The following HEATR6 variants were observed in gnomAD, a reference collection of about 807,000 sequenced individuals.
The protein encoded by HEATR6 is HEAT repeat containing 6, also known as HEAT repeat-containing protein 6.
In HEATR6, 106 loss-of-function variants were observed where a neutral mutation model predicts 132.8. That is an observed-to-expected ratio of 0.80 (90% confidence interval 0.68 to 0.94). The LOEUF is 0.94. HEATR6 is among the 40% of genes least tolerant of loss of function. The pLI is 0.00. For synonymous variants in HEATR6, 529 were observed against 537.8 expected (o/e 0.98, Z 0.23); for missense variants, 1,339 against 1,425.1 (o/e 0.94, Z 0.97).
chr17:60,044,296 CTG>C (rs1906290015), intron 19 of HEATR6, among the ~76,000 whole-genome samples, 162 bp from the exon 20 acceptor site: 1 of 152,160 alleles, frequency 6.6e-6, no homozygotes, highest in South Asian at 2.1e-4. Context: ...TGGTGACTGA[CTG>C]TAGGATCCTA....
intron 13 of HEATR6, among the ~76,000 whole-genome samples, 189 bp from the exon 14 acceptor site, chr17:60,055,790 C>T (rs1273769971): frequency 6.6e-6 from 1 of 152,194 alleles, no homozygotes; most frequent in African/African-American, 2.4e-5. Flanking sequence ...GTTTGGAGAT[C>T]GCCTCAAATC....
At chr17:60,076,597 G>A (rs1487575094) in intron 1 of HEATR6, 1 of 165,344 alleles carries the variant, frequency 6.0e-6, no homozygotes, top group Non-Finnish European at 1.3e-5. Flanking sequence ...CAGCTTCTTG[G>A]GAGGCTGAGG....
At position 60,049,122 on chromosome 17, in the gene HEATR6, A is replaced by AGTGTGTGTGTGTGTGTGTGT. The variant is rs531092208; in HGVS notation, c.2547+438_2547+457dup. On this transcript the variant is annotated intron_variant, in intron 16 of 19. Transcript: ENST00000184956. ...TATGTAGAGAGAGAGAGAGACAGAG[A>AGTGTGTGTGTGTGTGTGTGT]GTGTGTGTGTGTGTGTGTGTGTGTG... 1.9e-3 allele frequency among the ~76,000 whole-genome samples: 251 copies of AGTGTGTGTGTGTGTGTGTGT among 134,842 alleles called. 1 individual carries two copies. The highest frequency in any genetic ancestry group is 6.5e-3 in the African/African-American group (236 of 36,166). The allele number at this position is 134,842 out of a possible 152,430, so 88.5% of individuals were successfully genotyped here.
intron 14 of HEATR6, among the ~76,000 whole-genome samples, chr17:60,052,554 T>C (rs1906617791): frequency 6.6e-6 from 1 of 152,152 alleles, no homozygotes; most frequent in Non-Finnish European, 1.5e-5. Context: ...TCAACTCACT[T>C]CCCTGCACAT....
intron 16 of HEATR6, among the ~76,000 whole-genome samples, chr17:60,048,708 G>A (rs1346989183): frequency 1.3e-5 from 2 of 151,826 alleles, no homozygotes; most frequent in Non-Finnish European, 2.9e-5. Flanking sequence ...TTTCCGTCTC[G>A]GGAAATAATG....
intron 7 of HEATR6, 98 bp downstream of exon 7, chr17:60,069,613 T>G: frequency 8.8e-7 from 1 of 1,139,192 alleles, no homozygotes; most frequent in Non-Finnish European, 1.3e-6. Context: ...AAATTCAAGG[T>G]AGGCTTTTAG....
intron 5 of HEATR6, among the ~76,000 whole-genome samples, chr17:60,071,270 C>G (rs1344495105): frequency 2.6e-5 from 4 of 152,122 alleles, no homozygotes. Context: ...GATTTCTTGA[C>G]TCAGTAATCT....
rs114413477 is a variant in HEATR6, at chr17:60,077,496, C to T, written c.219+1200G>A. On this transcript the variant is annotated intron_variant, in intron 1 of 19. Transcript: ENST00000184956. ...CTACTGCCTTAATCTCACTCTGCTT[C>T]CTAATGACATACACTATTATTCTGT... Among the ~76,000 whole-genome samples, 1,234 of 152,318 alleles carry T rather than the reference C, an allele frequency of 8.1e-3. 15 individuals are homozygous for T. Among genetic ancestry groups the T allele is most frequent in the African/African-American group, 0.028 (1,147 of 41,556 alleles).
rs545594574 is a variant in HEATR6 at position 60,072,196 on chromosome 17, T to C, written c.699+19A>G. 7.5e-7 allele frequency: 1 copy of C among 1,334,876 alleles called. No individual in the cohort carries two copies. Among genetic ancestry groups the C allele is most frequent in the Non-Finnish European group, 1.1e-6 (1 of 936,212 alleles). 82.7% of individuals were successfully genotyped at this position (1,334,876 alleles called of 1,614,324 possible). Reference sequence around the variant, plus strand: ...AGACACATCCGCAACATTCACTACGTCAATGATAGTCCACTTACCATGCAA... The same window carrying C: ...AGACACATCCGCAACATTCACTACGCCAATGATAGTCCACTTACCATGCAA... On this transcript the variant is annotated intron_variant, in intron 5 of 19. Transcript: ENST00000184956.
intron 10 of HEATR6, among the ~76,000 whole-genome samples, 163 bp from the exon 11 acceptor site, chr17:60,059,684 A>G (rs1055670871): frequency 3.9e-5 from 6 of 152,224 alleles, no homozygotes; most frequent in Non-Finnish European, 7.3e-5. Context: ...CTAAAGATAA[A>G]GAAGTATTTT....
rs968372662 is a variant in HEATR6 at position 60,060,039 on chromosome 17, G to T, written c.1474C>A (p.Leu492Ile). The change falls in exon 10 of 20, where the codon CTT becomes ATT. Residue 492 changes from leucine (L) to isoleucine (I), a missense_variant. Transcript: ENST00000184956. ...TCACTGGTATCTTCAGCAACAGAAA[G>T]AAACTGCTTTGAGCCTTCCAAGATG... is the stretch of plus-strand genomic sequence containing the variant. Reference protein sequence around the residue: ...SAILEGSKQFLSVAEDTSDHR... With the variant: ...SAILEGSKQFISVAEDTSDHR... 3.1e-6 allele frequency: 5 copies of T among 1,614,028 alleles called. No homozygotes were observed. In the Admixed American group the frequency reaches 5.0e-5, roughly 16 times the overall value.
At chr17:60,059,019 T>C (rs988483935) in intron 11 of HEATR6, among the ~76,000 whole-genome samples, 1 of 152,194 alleles carries the variant, frequency 6.6e-6, no homozygotes, top group South Asian at 2.1e-4. Context: ...TGTATTCCAG[T>C]TTTTCTTTCC....
At chr17:60,069,628 G>T in intron 7 of HEATR6, 83 bp downstream of exon 7, 1 of 1,309,386 alleles carries the variant, frequency 7.6e-7, no homozygotes, top group Non-Finnish European at 1.1e-6. Flanking sequence ...TTTTAGGGTA[G>T]TAGTGATGCA....
intron 14 of HEATR6, among the ~76,000 whole-genome samples, chr17:60,055,162 T>G (rs1380999247): frequency 6.6e-6 from 1 of 152,160 alleles, no homozygotes; most frequent in Non-Finnish European, 1.5e-5. Flanking sequence ...GATTTAAAGC[T>G]TCCTGGGGCT....
At chr17:60,044,655 T>C (rs1459853670) in intron 19 of HEATR6, among the ~76,000 whole-genome samples, 1 of 152,236 alleles carries the variant, frequency 6.6e-6, no homozygotes, top group Admixed American at 6.5e-5. Flanking sequence ...CAGATTTCTA[T>C]CTTTTCTCCA....
rs2145180620 is a variant in HEATR6 at position 60,048,334 on chromosome 17, T to C, written c.2602A>G (p.Lys868Glu). 6.2e-7 allele frequency: 1 copy of C among 1,613,724 alleles called. No individual in the cohort carries two copies. The highest frequency in any genetic ancestry group is 8.5e-7 in the Non-Finnish European group (1 of 1,179,692). Residue 868 changes from lysine (K) to glutamate (E), a missense_variant, in exon 17 of 20, where the codon AAG becomes GAG. By Grantham distance (56) the Lys-to-Glu change is moderately conservative. Coordinates refer to ENST00000184956, the MANE Select transcript of HEATR6 (RefSeq NM_022070.5). ...ANAILMSLED[K>E]SLNVRAKAAW... Reference sequence around the variant, plus strand: ...GCTTTGGCTCGAACATTCAGAGACTTGTCTTCAAGTGACATCAATATTGCA... The same window carrying C: ...GCTTTGGCTCGAACATTCAGAGACTCGTCTTCAAGTGACATCAATATTGCA...
At chr17:60,066,164 A>C in intron 9 of HEATR6, 45 bp downstream of exon 9, 6 of 1,487,568 alleles carry the variant, frequency 4.0e-6, no homozygotes, top group Non-Finnish European at 4.7e-6. Context: ...AGGATCTGTA[A>C]ATTTTTTCTT....
intron 6 of HEATR6, 35 bp downstream of exon 6, chr17:60,070,671 A>G (rs768395990): frequency 3.2e-6 from 4 of 1,231,250 alleles, no homozygotes; most frequent in Non-Finnish European, 4.8e-6. Flanking sequence ...GGGTTGAAAC[A>G]GGAAAGACAA....
chr17:60,061,402 T>C (rs2083210300), intron 9 of HEATR6, among the ~76,000 whole-genome samples: 1 of 152,108 alleles, frequency 6.6e-6, no homozygotes, highest in South Asian at 2.1e-4. Context: ...AAATTGACAA[T>C]GTATTAGGAA....
Sources: allele counts gnomAD v4.1 joint callset (sites outside exome capture counted in the v4.1 genomes callset), GRCh38; gene constraint gnomAD v4.1.1; transcripts MANE v1.5; gene names NCBI Gene and HGNC (gene_info 2026-07-23, HGNC 2026-07-21).